The following ITGB3BP variants were observed in gnomAD, a reference collection of about 807,000 sequenced individuals.
ITGB3BP encodes centromere protein R.
A neutral mutation model predicts 29.1 loss-of-function variants in ITGB3BP; 27 were observed. The ratio of observed to expected loss-of-function variants is 0.93; its 90% CI spans 0.68 to 1.28. The LOEUF (loss-of-function observed/expected upper bound fraction) is 1.28. ITGB3BP is among the 50% of genes most tolerant of loss of function. The pLI is 0.00. For missense variants in ITGB3BP, 192 were observed against 200.2 expected (o/e 0.96, Z 0.25); for synonymous variants, 61 against 61.4 (o/e 0.99, Z 0.03).
At chr1:63,463,446 A>G (rs531539590) in intron 4 of ITGB3BP, among the ~76,000 whole-genome samples, 3 of 152,264 alleles carry the variant, frequency 2.0e-5, no homozygotes, top group African/African-American at 7.2e-5. Flanking sequence ...AGTCAATGTC[A>G]ATTTCCTGGT....
At chr1:63,485,875 C>G (rs1570232411) in intron 3 of ITGB3BP, among the ~76,000 whole-genome samples, 1 of 152,002 alleles carries the variant, frequency 6.6e-6, no homozygotes, top group Non-Finnish European at 1.5e-5. Flanking sequence ...GTTCTACATA[C>G]AGTTTTATCA....
At chr1:63,518,601 T>A (rs1646385965) in intron 1 of ITGB3BP, among the ~76,000 whole-genome samples, 3 of 151,596 alleles carry the variant, frequency 2.0e-5, no homozygotes, top group Admixed American at 2.0e-4. Context: ...TTTTTTTTTT[T>A]AACTTTCAAC....
chr1:63,473,683 C>T (rs1480232105), intron 4 of ITGB3BP, among the ~76,000 whole-genome samples: 13 of 91,618 alleles, frequency 1.4e-4, no homozygotes, highest in Admixed American at 1.9e-4. Flanking sequence ...GATCAGCCCC[C>T]TGCCTGGCCA....
chr1:63,524,330 C>T (rs1300502017), upstream of ITGB3BP, among the ~76,000 whole-genome samples: 1 of 152,204 alleles, frequency 6.6e-6, no homozygotes, highest in East Asian at 1.9e-4. Flanking sequence ...TACCAATTTG[C>T]AGTAACCAGA....
intron 4 of ITGB3BP, among the ~76,000 whole-genome samples, chr1:63,469,411 C>T (rs1645157470): frequency 6.6e-6 from 1 of 152,004 alleles, no homozygotes. Context: ...ACCACAACCT[C>T]TGCCTCCCGG....
At chr1:63,491,075 T>C (rs17391717) in intron 2 of ITGB3BP, among the ~76,000 whole-genome samples, 36,549 of 151,774 alleles carry the variant, frequency 0.24, 5,013 homozygotes, top group Non-Finnish European at 0.32. Flanking sequence ...CAGATCATTT[T>C]GTGATCTCAG....
At chr1:63,447,465 G>C in intron 7 of ITGB3BP, 1 of 427,448 alleles carries the variant, frequency 2.3e-6, no homozygotes, top group East Asian at 7.1e-5. Flanking sequence ...CCCAGAAAGA[G>C]TCCTGTAACC....
At chr1:63,455,055 G>T in intron 4 of ITGB3BP, 87 bp from the exon 5 acceptor site, 1 of 652,636 alleles carries the variant, frequency 1.5e-6, no homozygotes, top group Non-Finnish European at 2.7e-6. Flanking sequence ...CTTTTTAAAG[G>T]ACCTTAGACT....
At chr1:63,463,290 G>A (rs1484878857) in intron 4 of ITGB3BP, among the ~76,000 whole-genome samples, 1 of 150,750 alleles carries the variant, frequency 6.6e-6, no homozygotes, top group Non-Finnish European at 1.5e-5. Flanking sequence ...CAACAGGTGG[G>A]ATCCTCGCGG....
rs1553164339 is a variant in ITGB3BP at position 63,493,454 on chromosome 1, A to AAACC, written c.49-3240_49-3237dup. On this transcript the variant is annotated intron_variant, in intron 2 of 8. Transcript: ENST00000271002. ...CAAACAAACAAACAAACAAACAAAC[A>AAACC]AACCTGCTTGTAATAATTCCTGACT... 3.0e-3 allele frequency among the ~76,000 whole-genome samples: 437 copies of AAACC among 144,356 alleles called. 24 individuals carry two copies. Among genetic ancestry groups the AAACC allele is most frequent in the Non-Finnish European group, 4.6e-3 (297 of 64,760 alleles). 94.7% of individuals were successfully genotyped at this position (144,356 alleles called of 152,430 possible).
At chr1:63,525,570 A>G, upstream of ITGB3BP, 1 of 1,484,926 alleles carries the variant, frequency 6.7e-7, no homozygotes, top group Non-Finnish European at 8.9e-7. Flanking sequence ...ATTTTCCAAT[A>G]GAATGGCGAT....
At chr1:63,508,437 A>T in intron 2 of ITGB3BP, 91 bp downstream of exon 2, 3 of 641,876 alleles carry the variant, frequency 4.7e-6, no homozygotes, top group Non-Finnish European at 8.2e-6. Flanking sequence ...TAAAATTATC[A>T]AGATAATTTT....
intron 8 of ITGB3BP, 136 bp from the exon 9 acceptor site, chr1:63,441,239 T>C (rs1484986815): frequency 6.6e-6 from 1 of 152,162 alleles, no homozygotes; most frequent in African/African-American, 2.4e-5. Flanking sequence ...TGGCAACCTC[T>C]CATTTGCTTT....
intron 7 of ITGB3BP, among the ~76,000 whole-genome samples, chr1:63,448,138 A>G (rs1401512955): frequency 7.7e-6 from 1 of 130,216 alleles, no homozygotes; most frequent in Non-Finnish European, 1.6e-5. Context: ...ATGAGAACAC[A>G]TGGACACAGG....
At chr1:63,485,038 TTTTTTAAAAAG>T (rs1645501074) in intron 3 of ITGB3BP, among the ~76,000 whole-genome samples, 5 of 152,180 alleles carry the variant, frequency 3.3e-5, no homozygotes, top group Admixed American at 2.0e-4. Context: ...ACTACTAGCT[TTTTTTAAAAAG>T]CTAGTATTTG....
chr1:63,504,994 A>T lies in ITGB3BP; in HGVS notation c.48+3534T>A, dbSNP rs1570297333. ...TCTCTTTTTTTGCTGTGTCTCTGCC[A>T]GGCTTTGGTATCAGGATGATGCTGG... On this transcript the variant is annotated intron_variant, in intron 2 of 8. Coordinates refer to ENST00000271002, the MANE Select transcript of ITGB3BP (RefSeq NM_014288.5). 3.3e-5 allele frequency among the ~76,000 whole-genome samples: 5 copies of T among 152,144 alleles called. No individual in the cohort carries two copies. In the South Asian group the frequency reaches 8.3e-4, roughly 25 times the overall value.
At position 63,454,837 on chromosome 1, in the gene ITGB3BP, CT is replaced by C. The variant is rs1644909170; in HGVS notation, c.333+52del. 1 of 797,756 alleles carries C rather than the reference CT, an allele frequency of 1.3e-6. No individual in the cohort carries two copies. The allele number at this position is 797,756 out of a possible 1,614,324, so 49.4% of individuals were successfully genotyped here. A position where few individuals can be genotyped will look rare whatever the true frequency, so the allele number is the denominator to read the frequency against. On this transcript the variant is annotated intron_variant, in intron 5 of 8. Transcript: ENST00000271002. This position sits in a 1 kb window ranked among gnomAD's most constrained non-coding sequence, Gnocchi z 4.1. ...GGATTGGATTCTCCAATCTGGGACA[CT>C]TCTTTCATTTTATCCTTTTCAAACA...
At chr1:63,445,942 C>T (rs776149627) in intron 8 of ITGB3BP, among the ~76,000 whole-genome samples, 3 of 151,790 alleles carry the variant, frequency 2.0e-5, no homozygotes, top group East Asian at 1.9e-4. Context: ...TTCACTCAGT[C>T]GCCCAGGCTG....
In ITGB3BP at chr1:63,500,134, T is replaced by C. The variant is rs376443952; in HGVS notation, c.48+8394A>G. Among the ~76,000 whole-genome samples the C allele has an allele frequency of 1.4e-3, 217 of 152,302 alleles. 1 individual carries two copies. The highest frequency in any genetic ancestry group is 5.1e-3 in the African/African-American group (213 of 41,558). ...GACTCACGCCTGTAATCCCAGCACT[T>C]TGGGAGGCCCAGACGGGCGGATCAC... On this transcript the variant is annotated intron_variant, in intron 2 of 8. Coordinates refer to ENST00000271002, the MANE Select transcript of ITGB3BP (RefSeq NM_014288.5).
Sources: gnomAD v4.1 joint callset for allele counts (sites outside exome capture counted in the v4.1 genomes callset) on GRCh38, gnomAD v4.1.1 for gene constraint, Gnocchi (gnomAD v3.1) non-coding constraint, MANE v1.5 for transcripts, NCBI Gene and HGNC (gene_info 2026-07-23, HGNC 2026-07-21) for gene names.